The following FOXO3 variants were observed in gnomAD, a reference collection of about 807,000 sequenced individuals.
FOXO3 encodes forkhead box protein O3.
In FOXO3, 4 loss-of-function variants were observed where a neutral mutation model predicts 41.9. The ratio of observed to expected loss-of-function variants is 0.10; its 90% CI spans 0.05 to 0.22. The LOEUF (loss-of-function observed/expected upper bound fraction) is 0.22, where lower values mean the gene tolerates loss of function less well. Ranked by LOEUF, FOXO3 falls within the 10% of genes least tolerant of loss-of-function variation. The pLI is 1.00. For missense variants in FOXO3, 534 were observed against 906.8 expected (o/e 0.59, Z 5.28); for synonymous variants, 318 against 389.3 (o/e 0.82, Z 2.16).
At chr6:108,672,616 C>T (rs1433603463) in intron 2 of FOXO3, among the ~76,000 whole-genome samples, 2 of 152,160 alleles carry the variant, frequency 1.3e-5, no homozygotes, top group South Asian at 2.1e-4. Context: ...CACTTAGTCA[C>T]GAAGTCTCAG....
chr6:108,570,406 TG>T (rs1010393503), intron 1 of FOXO3, among the ~76,000 whole-genome samples: 5 of 152,194 alleles, frequency 3.3e-5, no homozygotes, highest in Admixed American at 2.0e-4. Flanking sequence ...TTCAAACTCC[TG>T]GCTCTCTCTG....
At chr6:108,616,133 A>T (rs1395991224) in intron 1 of FOXO3, among the ~76,000 whole-genome samples, 3 of 123,076 alleles carry the variant, frequency 2.4e-5, no homozygotes, top group East Asian at 2.5e-4. Flanking sequence ...GACTACAGGT[A>T]TGTGCCATCA....
chr6:108,588,586 TC>T (rs1298179814), intron 1 of FOXO3, among the ~76,000 whole-genome samples: 1 of 152,194 alleles, frequency 6.6e-6, no homozygotes, highest in African/African-American at 2.4e-5. Context: ...CTGCCTTATA[TC>T]CCCTAGATTC....
intron 1 of FOXO3, among the ~76,000 whole-genome samples, chr6:108,629,164 A>AGTG: frequency 6.6e-6 from 1 of 152,254 alleles, no homozygotes; most frequent in African/African-American, 2.4e-5. Context: ...TGTTACTATT[A>AGTG]GTGGTGGTGG....
chr6:108,622,505 A>C (rs1777697564), intron 1 of FOXO3, among the ~76,000 whole-genome samples: 1 of 151,988 alleles, frequency 6.6e-6, no homozygotes, highest in African/African-American at 2.4e-5. Flanking sequence ...TGTTTCCCCC[A>C]CCAGTATTGT....
chr6:108,594,055 G>C (rs1450841873), intron 1 of FOXO3, among the ~76,000 whole-genome samples: 2 of 152,020 alleles, frequency 1.3e-5, no homozygotes, highest in African/African-American at 4.8e-5. Flanking sequence ...TTTTGGCTTT[G>C]TGTTTGTGTA....
intron 1 of FOXO3, among the ~76,000 whole-genome samples, chr6:108,644,601 C>T (rs1202420399): frequency 2.0e-5 from 3 of 152,130 alleles, no homozygotes; most frequent in Admixed American, 2.0e-4. Flanking sequence ...TTGTCTGATC[C>T]CTGTTCTCTA....
intron 1 of FOXO3, among the ~76,000 whole-genome samples, chr6:108,577,686 C>T (rs1008963112): frequency 2.0e-5 from 3 of 152,146 alleles, no homozygotes; most frequent in Non-Finnish European, 2.9e-5. Flanking sequence ...GATTGAGTGC[C>T]TCTATTTTAG....
At chr6:108,608,870 A>G (rs1441624115) in intron 1 of FOXO3, among the ~76,000 whole-genome samples, 2 of 152,196 alleles carry the variant, frequency 1.3e-5, no homozygotes, top group Admixed American at 1.3e-4. Context: ...GAGTCCAGAA[A>G]ACGGGCCCTA....
At chr6:108,590,475 C>T (rs1052538649) in intron 1 of FOXO3, among the ~76,000 whole-genome samples, 1 of 152,116 alleles carries the variant, frequency 6.6e-6, no homozygotes, top group Non-Finnish European at 1.5e-5. Flanking sequence ...ATTTAAAATA[C>T]TAAATGAAAT....
At chr6:108,667,128 C>T (rs1454840387) in intron 2 of FOXO3, among the ~76,000 whole-genome samples, 1 of 152,128 alleles carries the variant, frequency 6.6e-6, no homozygotes, top group Non-Finnish European at 1.5e-5. Flanking sequence ...TAAGAGACCC[C>T]TAATGGAACT....
chr6:108,645,519 T>A lies in FOXO3; in HGVS notation c.622-17936T>A, dbSNP rs1441787392. Among the ~76,000 whole-genome samples the A allele has an allele frequency of 4.0e-5, 6 of 151,262 alleles. No homozygotes were observed. In the East Asian group the frequency reaches 1.2e-3, roughly 30 times the overall value. Reference sequence around the variant, plus strand: ...AAAACAAGAAGTGTCAATAGCCTCATCATAATATAGCCTCTTAGCTATAAA... The same window carrying A: ...AAAACAAGAAGTGTCAATAGCCTCAACATAATATAGCCTCTTAGCTATAAA... On this transcript the variant is annotated intron_variant, in intron 1 of 2. Coordinates refer to ENST00000406360, the MANE Select transcript of FOXO3 (RefSeq NM_001455.4).
At chr6:108,649,126 A>G (rs1778476794) in intron 1 of FOXO3, among the ~76,000 whole-genome samples, 1 of 151,804 alleles carries the variant, frequency 6.6e-6, no homozygotes, top group South Asian at 2.1e-4. Flanking sequence ...CACAGCAGCC[A>G]GCATGAGCAG....
chr6:108,618,367 G>A (rs1777573378), intron 1 of FOXO3: 1 of 540,998 alleles, frequency 1.8e-6, no homozygotes, highest in Non-Finnish European at 3.4e-6. Flanking sequence ...AGCAGCACCA[G>A]GAGCCACAGA....
At chr6:108,634,915 TATA>T (rs1216465951) in intron 1 of FOXO3, among the ~76,000 whole-genome samples, 1 of 151,964 alleles carries the variant, frequency 6.6e-6, no homozygotes, top group Non-Finnish European at 1.5e-5. Flanking sequence ...GTATTTTATA[TATA>T]ATGTTTTTGT....
chr6:108,614,737 C>T (rs533808208), intron 1 of FOXO3, among the ~76,000 whole-genome samples: 68 of 149,582 alleles, frequency 4.5e-4, no homozygotes, highest in South Asian at 2.6e-3. Flanking sequence ...TTATTTTTTG[C>T]GTTTTTTTCA....
intron 2 of FOXO3, among the ~76,000 whole-genome samples, chr6:108,666,170 C>T (rs1484997069): frequency 6.6e-6 from 1 of 152,030 alleles, no homozygotes; most frequent in Non-Finnish European, 1.5e-5. Context: ...CATTACTTCA[C>T]AGGGTTATTA....
At chr6:108,672,353 A>C (rs1779237698) in intron 2 of FOXO3, among the ~76,000 whole-genome samples, 1 of 152,184 alleles carries the variant, frequency 6.6e-6, no homozygotes, top group African/African-American at 2.4e-5. Context: ...CATCTCTTCG[A>C]ATTCTAAGTT....
chr6:108,676,560 T>G (rs1255248261), intron 2 of FOXO3, among the ~76,000 whole-genome samples: 4 of 152,188 alleles, frequency 2.6e-5, no homozygotes. Context: ...GATGTGTTTT[T>G]AAACTAGAAG....
Sources: allele counts gnomAD v4.1 joint callset (sites outside exome capture counted in the v4.1 genomes callset), GRCh38; gene constraint gnomAD v4.1.1; transcripts MANE v1.5; gene names NCBI Gene and HGNC (gene_info 2026-07-23, HGNC 2026-07-21).